NAV2: variants seen among roughly 807,000 people sequenced by gnomAD.
NAV2 encodes the protein neuron navigator 2.
Under a neutral mutation model 223.2 loss-of-function variants are expected in NAV2, and 54 were observed. The observed-to-expected ratio is 0.24, with a 90% confidence interval of 0.19 to 0.30. The LOEUF (loss-of-function observed/expected upper bound fraction) is 0.30, where lower values mean the gene tolerates loss of function less well. NAV2 is among the 10% of genes least tolerant of loss of function. The pLI is 1.00. For synonymous variants in NAV2, 1,279 were observed against 1,239.3 expected (o/e 1.03, Z -0.67); for missense variants, 2,806 against 3,147.5 (o/e 0.89, Z 2.60).
At position 19,934,915 on chromosome 11, in the gene NAV2, T is replaced by C. The variant is rs190999867; in HGVS notation, c.2033+638T>C. Among the ~76,000 whole-genome samples the C allele has an allele frequency of 1.8e-4, 28 of 152,256 alleles. No individual in the cohort carries two copies. The East Asian group carries it at 3.5e-3, about 19-fold the overall frequency. On this transcript the variant is annotated intron_variant, in intron 7 of 37. Coordinates refer to ENST00000349880, the MANE Select transcript of NAV2 (RefSeq NM_145117.5). Reference sequence around the variant, plus strand: ...GATCCTTCTGTCTTTATCTGTCCCCTAGCCCCTGTCTCTTTGATGGCACAT... The same window carrying C: ...GATCCTTCTGTCTTTATCTGTCCCCCAGCCCCTGTCTCTTTGATGGCACAT...
intron 3 of NAV2, among the ~76,000 whole-genome samples, chr11:19,865,439 G>T (rs1404310013): frequency 6.6e-6 from 1 of 152,134 alleles, no homozygotes. Context: ...CTCCCTTTCT[G>T]ATCTCCTTCC....
At chr11:19,583,632 T>G (rs112356500) in intron 1 of NAV2, among the ~76,000 whole-genome samples, 1 of 152,250 alleles carries the variant, frequency 6.6e-6, no homozygotes, top group African/African-American at 2.4e-5. Flanking sequence ...TCTATTGAGA[T>G]AATCATGTGG....
chr11:19,708,944 C>T (rs1229430021), upstream of NAV2, among the ~76,000 whole-genome samples: 1 of 151,160 alleles, frequency 6.6e-6, no homozygotes, highest in African/African-American at 2.4e-5. Flanking sequence ...ATTTTAATAC[C>T]TGGATAGTGT....
intron 1 of NAV2, among the ~76,000 whole-genome samples, chr11:19,729,485 C>T (rs2051550462): frequency 6.6e-6 from 1 of 152,204 alleles, no homozygotes; most frequent in African/African-American, 2.4e-5. Flanking sequence ...AGGCATGTGT[C>T]TCTTTGTCCT....
chr11:19,458,979 A>C (rs1457491307), intron 1 of NAV2, among the ~76,000 whole-genome samples: 1 of 152,246 alleles, frequency 6.6e-6, no homozygotes, highest in African/African-American at 2.4e-5. Flanking sequence ...GTGCGTGAGC[A>C]CAGGTGGTGA....
chr11:19,983,718 T>C (rs1469077225), intron 10 of NAV2, among the ~76,000 whole-genome samples: 2 of 152,142 alleles, frequency 1.3e-5, no homozygotes, highest in Non-Finnish European at 1.5e-5. Context: ...CACTGTTCTG[T>C]AATATTATTG....
chr11:19,895,736 A>G (rs1425812540), intron 6 of NAV2, among the ~76,000 whole-genome samples: 1 of 152,066 alleles, frequency 6.6e-6, no homozygotes, highest in Non-Finnish European at 1.5e-5. Context: ...TTTTATACTA[A>G]CTTTTTCAAC....
chr11:19,774,653 C>T (rs558116016), intron 1 of NAV2, among the ~76,000 whole-genome samples: 4 of 152,168 alleles, frequency 2.6e-5, no homozygotes, highest in African/African-American at 9.7e-5. Context: ...GGAATCCTCC[C>T]TGATTCTCAA....
rs1788976702 is a variant in NAV2, at chr11:20,114,790, C to G, written c.7159C>G (p.Pro2387Ala). 1 of 1,612,670 alleles carries G rather than the reference C, an allele frequency of 6.2e-7. No individual in the cohort carries two copies. Among genetic ancestry groups the G allele is most frequent in the African/African-American group, 1.3e-5 (1 of 74,878 alleles). Residue 2387 changes from proline to alanine, a missense_variant, in exon 37 of 38, where the codon CCG becomes GCG. This residue lies in a region of NAV2 where 824 missense variants were observed against 1,069.4 expected (regional missense o/e 0.77). Coordinates refer to ENST00000349880, the MANE Select transcript of NAV2 (RefSeq NM_145117.5). ...QMPPSDAEGD[P>A]LMNMLMRLQE... is the part of the protein sequence containing the mutation. Reference sequence around the variant, plus strand: ...GCCCCCCAGTGATGCTGAAGGTGACCCGCTGGTGAGTCCTCAGCCACCAGA... The same window carrying G: ...GCCCCCCAGTGATGCTGAAGGTGACGCGCTGGTGAGTCCTCAGCCACCAGA...
chr11:20,092,582 T>A (rs1470822443), intron 28 of NAV2, among the ~76,000 whole-genome samples: 3 of 152,090 alleles, frequency 2.0e-5, no homozygotes, highest in Non-Finnish European at 4.4e-5. Flanking sequence ...CACCCCAAAT[T>A]CTCCAAGCCC....
chr11:19,399,467 G>A (rs531525607), intron 1 of NAV2, among the ~76,000 whole-genome samples: 2 of 152,160 alleles, frequency 1.3e-5, no homozygotes, highest in Non-Finnish European at 2.9e-5. Flanking sequence ...TTATTGATCA[G>A]TTTTCTCTGT....
intron 2 of NAV2, among the ~76,000 whole-genome samples, chr11:19,841,292 C>T (rs2060497773): frequency 6.6e-6 from 1 of 152,176 alleles, no homozygotes; most frequent in Admixed American, 6.5e-5. Context: ...TCTTAATTTT[C>T]ACTTGTCTCT....
intron 1 of NAV2, among the ~76,000 whole-genome samples, chr11:19,501,044 C>T (rs1214758280): frequency 6.6e-6 from 1 of 152,122 alleles, no homozygotes; most frequent in African/African-American, 2.4e-5. Context: ...ATTTCCAGCT[C>T]CTAGGGGGTG....
intron 1 of NAV2, among the ~76,000 whole-genome samples, chr11:19,651,797 T>G (rs1288569800): frequency 1.3e-5 from 2 of 152,222 alleles, no homozygotes; most frequent in Non-Finnish European, 2.9e-5. Flanking sequence ...AGTGAAAAAC[T>G]GAGGCTGAAT....
At chr11:20,108,419 C>A (rs1160397744) in intron 36 of NAV2, among the ~76,000 whole-genome samples, 2 of 152,066 alleles carry the variant, frequency 1.3e-5, no homozygotes, top group African/African-American at 4.8e-5. Context: ...GTTCCTCCTG[C>A]CTGACAGCAG....
At chr11:19,930,986 C>T (rs1336427833) in intron 6 of NAV2, among the ~76,000 whole-genome samples, 1 of 152,160 alleles carries the variant, frequency 6.6e-6, no homozygotes, top group African/African-American at 2.4e-5. Context: ...CATTCTTCAT[C>T]GAAGGAGGTA....
chr11:19,614,158 A>G lies in NAV2; in HGVS notation c.76-218326A>G, dbSNP rs546361922. ...GCCTTAAAACAAGGCTGGCAGCACA[A>G]CTTTCTTAAAATGAAGTTGATGTGG... On this transcript the variant is annotated intron_variant, in intron 1 of 37. Transcript: ENST00000360655. Among the ~76,000 whole-genome samples, 11 of 152,272 alleles carry G rather than the reference A, an allele frequency of 7.2e-5. No individual in the cohort carries two copies. In the South Asian group the frequency reaches 1.0e-3, roughly 14 times the overall value.
chr11:19,561,419 A>G (rs1376256979), intron 1 of NAV2, among the ~76,000 whole-genome samples: 1 of 152,188 alleles, frequency 6.6e-6, no homozygotes, highest in African/African-American at 2.4e-5. Flanking sequence ...GCTAGCCTCA[A>G]CCTTCACATA....
chr11:19,473,181 G>A (rs900839612), intron 1 of NAV2, among the ~76,000 whole-genome samples: 8 of 152,168 alleles, frequency 5.3e-5, no homozygotes, highest in African/African-American at 1.7e-4. Context: ...GGCTTAGTCA[G>A]GTGTACTTGG....
Sources: allele counts gnomAD v4.1 joint callset (sites outside exome capture counted in the v4.1 genomes callset), GRCh38; gene constraint gnomAD v4.1.1; regional missense constraint gnomAD v4.1.1; transcripts MANE v1.5; gene names NCBI Gene and HGNC (gene_info 2026-07-23, HGNC 2026-07-21).